UGT1A3: variants seen among roughly 807,000 people sequenced by gnomAD.
UGT1A3 encodes UDP glucuronosyltransferase family 1 member A3.
In UGT1A3, 31 loss-of-function variants were observed where a neutral mutation model predicts 41.0. That is an observed-to-expected ratio of 0.76 (90% CI 0.57 to 1.02). UGT1A3 has a LOEUF of 1.02. UGT1A3 is among the 50% of genes least tolerant of loss of function. The pLI, the probability that UGT1A3 is intolerant of heterozygous loss-of-function variation, is 0.00. For missense variants in UGT1A3, 737 were observed against 671.0 expected (o/e 1.10, Z -1.09); for synonymous variants, 262 against 257.6 (o/e 1.02, Z -0.17).
chr2:233,768,119 T>G, intron 3 of UGT1A3, 101 bp from the exon 4 acceptor site: 4 of 1,600,008 alleles, frequency 2.5e-6, no homozygotes, highest in Non-Finnish European at 3.4e-6. Flanking sequence ...CAAGGGCATG[T>G]GAGTAACACT....
chr2:233,729,737 A>G lies in UGT1A3; in HGVS notation c.611A>G (p.His204Arg), dbSNP rs1236365518. The G allele has an allele frequency of 6.2e-7, 1 of 1,613,842 alleles. No homozygotes were observed. The highest frequency in any genetic ancestry group is 2.2e-5 in the East Asian group (1 of 44,894). ...IPRLLTTNSD[H>R]MTFMQRVKNM... Reference sequence around the variant, plus strand: ...AGATTACTAACAACCAATTCAGACCACATGACATTCATGCAAAGGGTCAAG... The same window carrying G: ...AGATTACTAACAACCAATTCAGACCGCATGACATTCATGCAAAGGGTCAAG... Residue 204 changes from histidine (H) to arginine (R), a missense_variant, in exon 1 of 5, where the codon CAC (histidine) becomes CGC (arginine). By Grantham distance (29) the His-to-Arg change is conservative. Transcript: ENST00000482026.
chr2:233,743,928 A>G, intron 1 of UGT1A3: 1 of 1,360,462 alleles, frequency 7.4e-7, no homozygotes. Context: ...CTGGATGGCC[A>G]GAACGGCCCA....
rs760019185 is a variant in UGT1A3, at chr2:233,760,846, C to T, written c.868-6188C>T. 1 of 1,613,970 alleles carries T rather than the reference C, an allele frequency of 6.2e-7. No individual in the cohort carries two copies. Among genetic ancestry groups the T allele is most frequent in the Non-Finnish European group, 8.5e-7 (1 of 1,179,912 alleles). On this transcript the variant is annotated intron_variant, in intron 1 of 4. Coordinates refer to ENST00000482026, the MANE Select transcript of UGT1A3 (RefSeq NM_019093.4). ...CCTGGAATTTGAGGCTACCCAGTGC[C>T]CCAACCCATTCTCCTACGTGCCCAG... is the stretch of plus-strand genomic sequence containing the variant.
intron 1 of UGT1A3, among the ~76,000 whole-genome samples, chr2:233,758,813 G>T (rs1033516774): frequency 6.6e-6 from 1 of 152,176 alleles, no homozygotes; most frequent in Non-Finnish European, 1.5e-5. Context: ...TAGTACAGCA[G>T]TATATCCCCC....
chr2:233,748,732 T>A (rs1233122564), intron 1 of UGT1A3, among the ~76,000 whole-genome samples: 1 of 151,606 alleles, frequency 6.6e-6, no homozygotes, highest in East Asian at 1.9e-4. Context: ...TGTGGGGACA[T>A]CTCAGAGTTC....
chr2:233,760,681 CACA>C (rs1697528171), intron 1 of UGT1A3: 4 of 1,614,246 alleles, frequency 2.5e-6, no homozygotes, highest in East Asian at 2.2e-5. Context: ...CCACTTACTG[CACA>C]ACAAGGAGCT....
Position 233,769,603 on chromosome 2 carries a change from G to A in UGT1A3, c.1307+1164G>A. The stretch of plus-strand genomic sequence containing the variant: ...CAGATGAGAGGAGACGGAACACGGG[G>A]ACACACCAGCTTGAGCAAGGGACAA... On this transcript the variant is annotated intron_variant, in intron 4 of 4. Coordinates refer to ENST00000482026, the MANE Select transcript of UGT1A3 (RefSeq NM_019093.4). This position sits in a 1 kb window ranked among gnomAD's most constrained non-coding sequence, Gnocchi z 4.4. The A allele has an allele frequency of 6.2e-7, 1 of 1,612,818 alleles. No homozygotes were observed. The highest frequency in any genetic ancestry group is 8.5e-7 in the Non-Finnish European group (1 of 1,179,870).
chr2:233,729,418 C>A lies in UGT1A3; in HGVS notation c.292C>A (p.Gln98Lys). 1 of 1,613,756 alleles carries A rather than the reference C, an allele frequency of 6.2e-7. No homozygotes were observed. Among genetic ancestry groups the A allele is most frequent in the Middle Eastern group, 1.6e-4 (1 of 6,062 alleles). Residue 98 changes from glutamine to lysine, a missense_variant, in exon 1 of 5, where the codon CAA becomes AAA. By Grantham distance (53) the Gln-to-Lys change is moderately conservative. Coordinates refer to ENST00000482026, the MANE Select transcript of UGT1A3 (RefSeq NM_019093.4). ...EFDRHVLGHT[Q>K]LYFETEHFLK... is the part of the protein sequence containing the mutation. ...TGATCGCCATGTGCTGGGCCACACT[C>A]AACTGTACTTTGAAACAGAACATTT... is the stretch of plus-strand genomic sequence containing the variant.
At position 233,738,564 on chromosome 2, in the gene UGT1A3, T is replaced by G. The variant is rs1575624453; in HGVS notation, c.867+8571T>G. Reference sequence around the variant, plus strand: ...GAGTCTCAGATAGAGATGAGGAATCTGTTGAGAACTGGAGCAAAGGTCACT... The same window carrying G: ...GAGTCTCAGATAGAGATGAGGAATCGGTTGAGAACTGGAGCAAAGGTCACT... On this transcript the variant is annotated intron_variant, in intron 1 of 4. Transcript: ENST00000482026. Among the ~76,000 whole-genome samples, 3 of 152,322 alleles carry G rather than the reference T, an allele frequency of 2.0e-5. No individual in the cohort carries two copies. The South Asian group carries it at 6.2e-4, about 32-fold the overall frequency.
At chr2:233,750,125 A>G (rs1331571759) in intron 1 of UGT1A3, among the ~76,000 whole-genome samples, 47 of 151,914 alleles carry the variant, frequency 3.1e-4, no homozygotes, top group Admixed American at 3.1e-3. Flanking sequence ...AAGATGTGGG[A>G]AAGTTTGGAA....
Position 233,772,833 on chromosome 2 carries a change from T to G in UGT1A3, c.*274T>G. 1.1e-6 allele frequency: 1 copy of G among 879,514 alleles called. No individual in the cohort carries two copies. Among genetic ancestry groups the G allele is most frequent in the Non-Finnish European group, 1.6e-6 (1 of 630,666 alleles). 54.5% of individuals were successfully genotyped at this position (879,514 alleles called of 1,614,324 possible). A position where few individuals can be genotyped will look rare whatever the true frequency, so the allele number is the denominator to read the frequency against. ...AGGACGTGCAGACAGGCTGGCATTCTAGATTACTTTTCTTACTCTGAAACA... is the reference window on the plus strand; with the variant it reads ...AGGACGTGCAGACAGGCTGGCATTCGAGATTACTTTTCTTACTCTGAAACA... On this transcript the variant is annotated 3_prime_UTR_variant, in exon 5 of 5. Transcript: ENST00000482026.
intron 1 of UGT1A3, among the ~76,000 whole-genome samples, chr2:233,737,855 A>G (rs577176217): frequency 2.6e-5 from 4 of 152,218 alleles, no homozygotes; most frequent in East Asian, 1.9e-4. Context: ...CACTCTTGCT[A>G]TGCCCCTTAA....
rs773195449 is a variant in UGT1A3, at chr2:233,767,876, C to T, written c.1027C>T (p.Pro343Ser). 2 of 1,614,178 alleles carry T rather than the reference C, an allele frequency of 1.2e-6. No homozygotes were observed. The highest frequency in any genetic ancestry group is 3.3e-5 in the Admixed American group (2 of 60,012). ...CCTGTGGCGGTACACTGGAACCCGACCATCGAATCTTGCGAACAACACGAT... is the reference window on the plus strand; with the variant it reads ...CCTGTGGCGGTACACTGGAACCCGATCATCGAATCTTGCGAACAACACGAT... The part of the protein sequence containing the change: ...TVLWRYTGTR[P>S]SNLANNTILV... Residue 343 changes from proline (P) to serine (S), a missense_variant, in exon 3 of 5, where the codon CCA (proline) becomes TCA (serine). By Grantham distance (74) the Pro-to-Ser change is moderately conservative. Coordinates refer to ENST00000482026, the MANE Select transcript of UGT1A3 (RefSeq NM_019093.4).
At chr2:233,760,958 A>T (rs976503144) in intron 1 of UGT1A3, 1 of 1,614,176 alleles carries the variant, frequency 6.2e-7, no homozygotes, top group African/African-American at 1.3e-5. Flanking sequence ...TTTCTGTGCG[A>T]CGTGGTTTAT....
At position 233,768,261 on chromosome 2, in the gene UGT1A3, C is replaced by T; in HGVS notation, c.1129C>T (p.His377Tyr). The change falls in exon 4 of 5, where the codon CAT becomes TAT. Residue 377 changes from histidine to tyrosine, a missense_variant. His to Tyr is a moderately conservative substitution (Grantham distance 83). Coordinates refer to ENST00000482026, the MANE Select transcript of UGT1A3 (RefSeq NM_019093.4). ...TRAFITHAGS[H>Y]GVYESICNGV... ...TGCCTTTATCACCCATGCTGGTTCC[C>T]ATGGTGTTTATGAAAGCATATGCAA... 6.8e-6 allele frequency: 11 copies of T among 1,614,164 alleles called. No individual in the cohort carries two copies. Among genetic ancestry groups the T allele is most frequent in the Non-Finnish European group, 9.3e-6 (11 of 1,180,032 alleles).
At position 233,772,732 on chromosome 2, in the gene UGT1A3, A is replaced by G. The variant is rs1259415832; in HGVS notation, c.*173A>G. On this transcript the variant is annotated 3_prime_UTR_variant, in exon 5 of 5. Transcript: ENST00000482026. ...CTTAAATAAAAATAATAGACTCGCT[A>G]GTCAGTAAAGATATTTGAATATGTA... 4.9e-6 allele frequency: 7 copies of G among 1,442,298 alleles called. No homozygotes were observed. Among genetic ancestry groups the G allele is most frequent in the Non-Finnish European group, 6.4e-6 (7 of 1,099,406 alleles). The allele number at this position is 1,442,298 out of a possible 1,614,324, so 89.3% of individuals were successfully genotyped here.
chr2:233,729,476 T>G lies in UGT1A3; in HGVS notation c.350T>G (p.Leu117Trp), dbSNP rs780193627. Residue 117 changes from leucine to tryptophan, a missense_variant, in exon 1 of 5, where the codon TTG (leucine) becomes TGG (tryptophan). Coordinates refer to ENST00000482026, the MANE Select transcript of UGT1A3 (RefSeq NM_019093.4). Reference sequence around the variant, plus strand: ...AAATTTTTCAGAAGTATGGCAATGTTGAACAATATGTCTTTGGTCTATCAT... The same window carrying G: ...AAATTTTTCAGAAGTATGGCAATGTGGAACAATATGTCTTTGGTCTATCAT... Reference protein sequence around the residue: ...LKKFFRSMAMLNNMSLVYHRS... With the variant: ...LKKFFRSMAMWNNMSLVYHRS... 12 of 1,614,098 alleles carry G rather than the reference T, an allele frequency of 7.4e-6. No individual in the cohort carries two copies. In the African/African-American group the frequency reaches 1.6e-4, roughly 22 times the overall value.
intron 1 of UGT1A3, among the ~76,000 whole-genome samples, chr2:233,751,881 A>G (rs553534557): frequency 1.3e-5 from 2 of 152,290 alleles, no homozygotes; most frequent in African/African-American, 4.8e-5. Context: ...CGTCTTGGGT[A>G]TGTCTTTATA....
At position 233,769,478 on chromosome 2, in the gene UGT1A3, TGC is replaced by T; in HGVS notation, c.1307+1041_1307+1042del. The stretch of plus-strand genomic sequence containing the variant: ...GCATTCATATGCGTGTGTGTGTGTG[TGC>T]GTGTGTTTATGAGAGTGTCCATTGC... On this transcript the variant is annotated intron_variant, in intron 4 of 4. Transcript: ENST00000482026. The surrounding 1 kb of genome is among the most constrained non-coding windows in gnomAD (Gnocchi z 4.4). 2 of 1,611,018 alleles carry T rather than the reference TGC, an allele frequency of 1.2e-6. No individual in the cohort carries two copies. Among genetic ancestry groups the T allele is most frequent in the South Asian group, 1.1e-5 (1 of 90,926 alleles).
Sources: gnomAD v4.1 joint callset for allele counts (sites outside exome capture counted in the v4.1 genomes callset) on GRCh38, gnomAD v4.1.1 for gene constraint, Gnocchi (gnomAD v3.1) non-coding constraint, MANE v1.5 for transcripts, NCBI Gene and HGNC (gene_info 2026-07-23, HGNC 2026-07-21) for gene names.